Variants in RERE observed in about 807,000 individuals in gnomAD.
RERE encodes arginine-glutamic acid dipeptide repeats protein.
A neutral mutation model predicts 146.1 loss-of-function variants in RERE; 40 were observed. That is an observed-to-expected ratio of 0.27 (90% confidence interval 0.21 to 0.36). The LOEUF (loss-of-function observed/expected upper bound fraction) is 0.36, where lower values mean the gene tolerates loss of function less well. Ranked by LOEUF, RERE falls within the 10% of genes least tolerant of loss-of-function variation. RERE has a pLI of 1.00. For synonymous variants in RERE, 1,003 were observed against 866.0 expected (o/e 1.16, Z -2.78); for missense variants, 1,933 against 2,138.7 (o/e 0.90, Z 1.90).
chr1:8,623,839 G>A lies in RERE; in HGVS notation c.396+471C>T, dbSNP rs113970230. On this transcript the variant is annotated intron_variant, in intron 3 of 22. Transcript: ENST00000400908. ...CGCCCAAGCCAGACTTCTTTCAACC[G>A]CTACCCCGGGAAACCCCCACAACAA... 3.3e-3 allele frequency among the ~76,000 whole-genome samples: 495 copies of A among 152,180 alleles called. 6 individuals carry two copies. Among genetic ancestry groups the A allele is most frequent in the African/African-American group, 0.011 (453 of 41,516 alleles).
At chr1:8,547,946 G>A (rs954832826) in intron 6 of RERE, among the ~76,000 whole-genome samples, 12 of 152,048 alleles carry the variant, frequency 7.9e-5, no homozygotes, top group African/African-American at 2.9e-4. Context: ...AAAATCCTAG[G>A]AACAACGTAA....
intron 11 of RERE, among the ~76,000 whole-genome samples, chr1:8,459,996 C>A (rs1231548701): frequency 6.6e-6 from 1 of 152,154 alleles, no homozygotes; most frequent in Admixed American, 6.5e-5. Flanking sequence ...TTATTAGTAT[C>A]TGAAATCCAC....
At chr1:8,666,018 T>G (rs548221781) in intron 1 of RERE, among the ~76,000 whole-genome samples, 14 of 152,156 alleles carry the variant, frequency 9.2e-5, no homozygotes, top group Non-Finnish European at 1.9e-4. Context: ...GTGTGAGACC[T>G]AGGATATGAA....
At chr1:8,401,781 T>C (rs1328728783) in intron 12 of RERE, among the ~76,000 whole-genome samples, 1 of 152,036 alleles carries the variant, frequency 6.6e-6, no homozygotes, top group East Asian at 1.9e-4. Context: ...AAGCCTACTT[T>C]CCCTTCCCTT....
intron 1 of RERE, among the ~76,000 whole-genome samples, chr1:8,785,539 A>T (rs1172630031): frequency 6.6e-6 from 1 of 152,228 alleles, no homozygotes; most frequent in Non-Finnish European, 1.5e-5. Context: ...TCCATTCTCC[A>T]ACAGAGGAAT....
chr1:8,501,041 G>C (rs1246960714), intron 8 of RERE, among the ~76,000 whole-genome samples: 1 of 138,282 alleles, frequency 7.2e-6, no homozygotes, highest in Non-Finnish European at 1.5e-5. Context: ...AGGGGGGGGG[G>C]GGGTCAGCCC....
At chr1:8,815,941 C>T (rs1287733882) in intron 1 of RERE, among the ~76,000 whole-genome samples, 2 of 152,010 alleles carry the variant, frequency 1.3e-5, no homozygotes, top group African/African-American at 2.4e-5. Flanking sequence ...CAGCTTTCCA[C>T]CCATCCCAGG....
chr1:8,743,843 C>T (rs1640365576), intron 1 of RERE, among the ~76,000 whole-genome samples: 1 of 152,076 alleles, frequency 6.6e-6, no homozygotes. Context: ...TTGCCATTTC[C>T]CCTGTGCCTG....
At chr1:8,622,501 A>C (rs11810561) in intron 3 of RERE, among the ~76,000 whole-genome samples, 5,160 of 135,818 alleles carry the variant, frequency 0.038, 300 homozygotes, top group African/African-American at 0.13. Context: ...AAAAAAAAAA[A>C]AAAAAAAAAA....
chr1:8,727,134 C>CT (rs540702633), intron 1 of RERE, among the ~76,000 whole-genome samples: 6 of 150,038 alleles, frequency 4.0e-5, no homozygotes, highest in Admixed American at 1.3e-4. Context: ...GATTAGTAGT[C>CT]TTTTTTTTGG....
intron 1 of RERE, among the ~76,000 whole-genome samples, chr1:8,738,399 T>G (rs148062246): frequency 6.6e-6 from 1 of 152,026 alleles, no homozygotes; most frequent in African/African-American, 2.4e-5. Flanking sequence ...TCTCCTGGGC[T>G]GGTCTCAAAC....
intron 4 of RERE, among the ~76,000 whole-genome samples, chr1:8,612,374 C>T (rs190648612): frequency 6.6e-6 from 1 of 152,252 alleles, no homozygotes; most frequent in Admixed American, 6.5e-5. Flanking sequence ...ATGACTTTGG[C>T]AGCACAAAGC....
chr1:8,615,381 G>A (rs1646840780), intron 3 of RERE, among the ~76,000 whole-genome samples: 1 of 152,160 alleles, frequency 6.6e-6, no homozygotes, highest in Admixed American at 6.5e-5. Context: ...AGTTTAGTAT[G>A]TATCACGTGT....
At chr1:8,689,790 C>A (rs574094701) in intron 1 of RERE, among the ~76,000 whole-genome samples, 47 of 147,994 alleles carry the variant, frequency 3.2e-4, no homozygotes, top group African/African-American at 1.1e-3. Context: ...AAAAAAAAAA[C>A]TACTAACAGG....
intron 12 of RERE, among the ~76,000 whole-genome samples, chr1:8,393,781 A>G (rs1263751134): frequency 1.3e-5 from 2 of 152,216 alleles, no homozygotes; most frequent in Non-Finnish European, 2.9e-5. Context: ...CATCAAATCA[A>G]CTATGGATTA....
At chr1:8,464,373 C>G (rs1473045015) in intron 11 of RERE, among the ~76,000 whole-genome samples, 1 of 152,154 alleles carries the variant, frequency 6.6e-6, no homozygotes, top group Non-Finnish European at 1.5e-5. Context: ...GCCTGGATCT[C>G]GCTGCTTCTT....
intron 1 of RERE, chr1:8,753,310 A>G (rs1640575684): frequency 6.6e-6 from 1 of 152,160 alleles, no homozygotes; most frequent in Non-Finnish European, 1.5e-5. Context: ...GGTAAAATTA[A>G]TTTTTTATAT....
rs564958707 is a variant in RERE, at chr1:8,713,331, A to G, written c.-144-56890T>C. On this transcript the variant is annotated intron_variant, in intron 1 of 22. Coordinates refer to ENST00000400908, the MANE Select transcript of RERE (RefSeq NM_001042681.2). ...ATTATTAAAATCAAATGTAAAAATG[A>G]CACTCTTGCTTGAATGCAAATTCTT... Among the ~76,000 whole-genome samples, 5 of 152,370 alleles carry G rather than the reference A, an allele frequency of 3.3e-5. No individual in the cohort carries two copies. The South Asian group carries it at 6.2e-4, about 19-fold the overall frequency.
At chr1:8,355,358 G>T in intron 22 of RERE, 61 bp downstream of exon 22, 1 of 1,560,348 alleles carries the variant, frequency 6.4e-7, no homozygotes, top group Admixed American at 1.7e-5. Context: ...CTGGGCACAC[G>T]GGGAGGTTGG....
Sources: allele counts gnomAD v4.1 joint callset (sites outside exome capture counted in the v4.1 genomes callset), GRCh38; gene constraint gnomAD v4.1.1; transcripts MANE v1.5; gene names NCBI Gene and HGNC (gene_info 2026-07-23, HGNC 2026-07-21).